ADAM10: variants seen among roughly 807,000 people sequenced by gnomAD.
ADAM10 encodes the protein ADAM metallopeptidase domain 10.
In ADAM10, 17 loss-of-function variants were observed where a neutral mutation model predicts 90.1. That is an observed-to-expected ratio of 0.19 (90% confidence interval 0.13 to 0.28). ADAM10 has a LOEUF of 0.28. ADAM10 is among the 10% of genes least tolerant of loss of function. ADAM10 has a pLI of 1.00. For missense variants in ADAM10, 610 were observed against 914.3 expected, an observed-to-expected ratio of 0.67 and a Z score of 4.29; for synonymous variants, 310 against 298.6, an observed-to-expected ratio of 1.04 and a Z score of -0.40.
At chr15:58,693,080 G>C in intron 2 of ADAM10, 1 of 746,638 alleles carries the variant, frequency 1.3e-6, no homozygotes, top group East Asian at 2.5e-5. Flanking sequence ...AACTCCTGAA[G>C]GAAAATCTCC....
intron 4 of ADAM10, among the ~76,000 whole-genome samples, chr15:58,668,891 C>T (rs543996577): frequency 2.0e-5 from 3 of 152,242 alleles, no homozygotes; most frequent in South Asian, 4.2e-4. Flanking sequence ...CTCCCATAAC[C>T]TCCTTTTAGC....
intron 4 of ADAM10, among the ~76,000 whole-genome samples, chr15:58,674,726 C>T (rs538890017): frequency 6.6e-6 from 1 of 152,278 alleles, no homozygotes; most frequent in Non-Finnish European, 1.5e-5. Context: ...GAAGCTTCTA[C>T]ATGAATGAAG....
At position 58,646,179 on chromosome 15, in the gene ADAM10, T is replaced by G. The variant is rs1440293561; in HGVS notation, c.611A>C (p.Asn204Thr). The change falls in exon 6 of 16, where the codon AAT becomes ACT. Residue 204 changes from asparagine (N) to threonine (T), a missense_variant. By Grantham distance (65) the Asn-to-Thr change is moderately conservative. Around this residue, in one of 4 missense-constraint regions of ADAM10, gnomAD observed 310 missense variants for 362.4 expected, o/e 0.86. Coordinates refer to ENST00000260408, the MANE Select transcript of ADAM10 (RefSeq NM_001110.4). The stretch of plus-strand genomic sequence containing the variant: ...TTTTTTCCTCAGAAGTTCTGGACCA[T>G]TAGCAGCATGTTCTTCTTGAGGTAT... ...TQIPQEEHAA[N>T]GPELLRKKRT... 6.2e-7 allele frequency: 1 copy of G among 1,613,182 alleles called. No individual in the cohort carries two copies. The highest frequency in any genetic ancestry group is 8.5e-7 in the Non-Finnish European group (1 of 1,179,802).
chr15:58,715,902 C>G (rs991418555), intron 2 of ADAM10, among the ~76,000 whole-genome samples: 31 of 152,182 alleles, frequency 2.0e-4, no homozygotes, highest in South Asian at 2.1e-4. Context: ...GGCAGTCAAA[C>G]CATATTTGGT....
At chr15:58,717,536 A>T in intron 2 of ADAM10, 41 bp downstream of exon 2, 1 of 1,612,140 alleles carries the variant, frequency 6.2e-7, no homozygotes. Flanking sequence ...TAGATTGAAT[A>T]TAGAGGAACT....
intron 3 of ADAM10, 61 bp from the exon 4 acceptor site, chr15:58,679,343 C>A: frequency 7.0e-7 from 1 of 1,425,754 alleles, no homozygotes; most frequent in Non-Finnish European, 9.9e-7. Context: ...TAAATTCATT[C>A]ATATATATGT....
intron 5 of ADAM10, among the ~76,000 whole-genome samples, chr15:58,661,512 T>C (rs1469207446): frequency 1.3e-5 from 2 of 151,962 alleles, no homozygotes; most frequent in African/African-American, 4.8e-5. Flanking sequence ...AGTCACCAGT[T>C]ATACTTATCT....
intron 4 of ADAM10, among the ~76,000 whole-genome samples, chr15:58,676,593 G>T (rs1279281874): frequency 1.4e-4 from 22 of 152,062 alleles, no homozygotes; most frequent in Admixed American, 3.3e-4. Context: ...TCAAAAGAAT[G>T]ATATTTTATG....
intron 4 of ADAM10, chr15:58,672,872 A>C (rs1236425872): frequency 6.3e-6 from 1 of 158,606 alleles, no homozygotes; most frequent in Non-Finnish European, 1.4e-5. Flanking sequence ...ATAAGAAGGA[A>C]AAGGAGGAAG....
At chr15:58,646,854 T>G (rs1447311729) in intron 5 of ADAM10, among the ~76,000 whole-genome samples, 2 of 152,168 alleles carry the variant, frequency 1.3e-5, no homozygotes, top group Non-Finnish European at 2.9e-5. Flanking sequence ...CTTTTCTCAT[T>G]CCACATTACT....
intron 2 of ADAM10, 74 bp from the exon 3 acceptor site, chr15:58,682,388 TAA>T (rs1596063169): frequency 8.4e-6 from 13 of 1,545,338 alleles, no homozygotes; most frequent in African/African-American, 1.4e-5. Context: ...TTTTTTATTT[TAA>T]AAAGTCTACA....
chr15:58,603,339 T>A (rs1010156622), intron 14 of ADAM10, among the ~76,000 whole-genome samples: 3 of 152,126 alleles, frequency 2.0e-5, no homozygotes, highest in Non-Finnish European at 4.4e-5. Flanking sequence ...AAGTTTAGCA[T>A]CCCTGGCCCC....
rs149657884 is a variant in ADAM10 at position 58,620,443 on chromosome 15, G to A, written c.1511+1028C>T. Among the ~76,000 whole-genome samples the A allele has an allele frequency of 2.6e-3, 400 of 151,932 alleles. 1 individual carries two copies. The highest frequency in any genetic ancestry group is 0.02 in the South Asian group (94 of 4,816). ...AATCATGCCACTGCACTCCAGCCTG[G>A]GTGACAGGTTTTTCTGAGACTCCAT... On this transcript the variant is annotated intron_variant, in intron 11 of 15. Transcript: ENST00000260408.
At chr15:58,635,291 A>G (rs1392662708) in intron 8 of ADAM10, among the ~76,000 whole-genome samples, 4 of 130,000 alleles carry the variant, frequency 3.1e-5, no homozygotes, top group Non-Finnish European at 6.2e-5. Flanking sequence ...AAAAAAAAAA[A>G]AAGAAAGAAA....
At chr15:58,674,013 G>A (rs1275987913) in intron 4 of ADAM10, among the ~76,000 whole-genome samples, 3 of 138,064 alleles carry the variant, frequency 2.2e-5, no homozygotes, top group East Asian at 1.9e-4. Flanking sequence ...GATTACAGGC[G>A]TGAGCCACCA....
chr15:58,612,033 T>A (rs202221661), intron 11 of ADAM10, 42 bp from the exon 12 acceptor site: 2 of 1,542,620 alleles, frequency 1.3e-6, no homozygotes, highest in Admixed American at 3.4e-5. Flanking sequence ...AAATCACTAG[T>A]TATTCCCTAT....
chr15:58,749,600 G>T lies in ADAM10; in HGVS notation c.-66C>A. 1.3e-6 allele frequency: 2 copies of T among 1,548,230 alleles called. No individual in the cohort carries two copies. Among genetic ancestry groups the T allele is most frequent in the Non-Finnish European group, 1.7e-6 (2 of 1,145,298 alleles). The stretch of plus-strand genomic sequence containing the variant: ...TAACAGCAGCACATCGATCCGGAGG[G>T]AGAAGCTGAAGGGGCTTGGTCCGGA... On this transcript the variant is annotated 5_prime_UTR_variant, in exon 1 of 16. Transcript: ENST00000260408.
At chr15:58,631,007 T>C (rs6494029) in intron 9 of ADAM10, among the ~76,000 whole-genome samples, 78,311 of 151,748 alleles carry the variant, frequency 0.52, 22,931 homozygotes, top group East Asian at 0.94. Flanking sequence ...TCTCTTAGTT[T>C]CTGCAAGAGC....
At chr15:58,679,012 G>C in intron 4 of ADAM10, 112 bp downstream of exon 4, 1 of 1,064,950 alleles carries the variant, frequency 9.4e-7, no homozygotes, top group Non-Finnish European at 1.4e-6. Flanking sequence ...CTATGTTCTA[G>C]CCTGATTAGT....
Sources: gnomAD v4.1 joint callset for allele counts (sites outside exome capture counted in the v4.1 genomes callset) on GRCh38, gnomAD v4.1.1 for gene constraint, gnomAD v4.1.1 regional missense constraint, MANE v1.5 for transcripts, NCBI Gene and HGNC (gene_info 2026-07-23, HGNC 2026-07-21) for gene names.